Variants in BLNK observed in about 807,000 individuals in gnomAD.
BLNK encodes the protein B-cell linker protein.
Under a neutral mutation model 73.5 loss-of-function variants are expected in BLNK, and 29 were observed. That is an observed-to-expected ratio of 0.39 (90% confidence interval 0.29 to 0.54). The LOEUF (loss-of-function observed/expected upper bound fraction) is 0.54. Among genes scored for constraint, BLNK ranks in the 20% least tolerant of loss-of-function variants. The pLI is 0.61. For missense variants in BLNK, 460 were observed against 562.8 expected, an observed-to-expected ratio of 0.82 and a Z score of 1.85; for synonymous variants, 176 against 200.8, an observed-to-expected ratio of 0.88 and a Z score of 1.04.
At chr10:96,271,232 A>G in intron 1 of BLNK, 120 bp downstream of exon 1, 2 of 1,155,340 alleles carry the variant, frequency 1.7e-6, no homozygotes, top group Non-Finnish European at 2.6e-6. Flanking sequence ...TCCCTATAGT[A>G]AGTGCCACCC....
At chr10:96,205,888 G>T (rs1203885420) in intron 11 of BLNK, among the ~76,000 whole-genome samples, 4 of 152,138 alleles carry the variant, frequency 2.6e-5, no homozygotes, top group African/African-American at 9.7e-5. Flanking sequence ...GTCTGCACAG[G>T]TTGTACTTAC....
chr10:96,227,609 G>A, intron 4 of BLNK, 43 bp from the exon 5 acceptor site: 1 of 1,612,512 alleles, frequency 6.2e-7, no homozygotes, highest in South Asian at 1.1e-5. Context: ...ATCCCCGTCT[G>A]TGCTGCCTGG....
At chr10:96,241,568 A>G (rs149342188) in intron 3 of BLNK, among the ~76,000 whole-genome samples, 1 of 152,126 alleles carries the variant, frequency 6.6e-6, no homozygotes, top group East Asian at 1.9e-4. Flanking sequence ...CCACCCCTTC[A>G]ACAATCCTCA....
rs149590334 is a variant in BLNK at position 96,201,036 on chromosome 10, T to G, written c.957A>C (p.Pro319=). The G allele has an allele frequency of 6.8e-5, 109 of 1,614,140 alleles. No homozygotes were observed. The African/African-American group carries it at 1.2e-3, about 18-fold the overall frequency. The change falls in exon 14 of 17, where the codon CCA becomes CCC. Residue 319 remains proline (P), a synonymous_variant. Coordinates refer to ENST00000224337, the MANE Select transcript of BLNK (RefSeq NM_013314.4). ...PLPRFTEGGN[P]TVDGPLPSFS... ...AGCTGGGTAGGGGCCCATCCACAGT[T>G]GGGTTTCCCCCTTCTGTAAATCCTG...
intron 1 of BLNK, among the ~76,000 whole-genome samples, chr10:96,265,716 T>C (rs782020990): frequency 6.6e-6 from 1 of 152,220 alleles, no homozygotes; most frequent in African/African-American, 2.4e-5. Flanking sequence ...ATACACGTTG[T>C]CACTATAAGC....
intron 15 of BLNK, chr10:96,199,427 T>C: frequency 2.4e-6 from 1 of 422,280 alleles, no homozygotes; most frequent in Non-Finnish European, 4.8e-6. Context: ...AAATAGCCTG[T>C]CACTGTTCAC....
chr10:96,247,752 C>T (rs1554908009), intron 1 of BLNK, among the ~76,000 whole-genome samples: 2 of 152,182 alleles, frequency 1.3e-5, no homozygotes, highest in Non-Finnish European at 2.9e-5. Flanking sequence ...GGTCCCAGGC[C>T]AAGTCTTCCT....
At chr10:96,195,194 C>T (rs2083435097) in intron 16 of BLNK, among the ~76,000 whole-genome samples, 1 of 152,102 alleles carries the variant, frequency 6.6e-6, no homozygotes, top group African/African-American at 2.4e-5. Context: ...GAAGTTAAAC[C>T]CTCGTGTGCT....
chr10:96,259,099 A>T (rs563529795), intron 1 of BLNK, among the ~76,000 whole-genome samples: 1 of 152,330 alleles, frequency 6.6e-6, no homozygotes, highest in East Asian at 1.9e-4. Flanking sequence ...ATACAGGCTA[A>T]CTTGTTTCAA....
chr10:96,229,459 A>G (rs782690819), intron 4 of BLNK, among the ~76,000 whole-genome samples: 4 of 152,114 alleles, frequency 2.6e-5, no homozygotes, highest in Non-Finnish European at 5.9e-5. Flanking sequence ...GTGAATGCTT[A>G]CTCAGTCTTT....
intron 1 of BLNK, among the ~76,000 whole-genome samples, chr10:96,252,706 T>C (rs1230766414): frequency 6.6e-6 from 1 of 152,196 alleles, no homozygotes; most frequent in African/African-American, 2.4e-5. Flanking sequence ...TTTGCAAAAC[T>C]GTAGAATGGA....
chr10:96,204,562 A>C lies in BLNK; in HGVS notation c.872T>G (p.Val291Gly). 1 of 1,614,124 alleles carries C rather than the reference A, an allele frequency of 6.2e-7. No homozygotes were observed. Among genetic ancestry groups the C allele is most frequent in the South Asian group, 1.1e-5 (1 of 91,086 alleles). Residue 291 changes from valine to glycine, a missense_variant, in exon 12 of 17, where the codon GTG becomes GGG. Val to Gly is a moderately radical substitution (Grantham distance 109). Coordinates refer to ENST00000224337, the MANE Select transcript of BLNK (RefSeq NM_013314.4). ...GGCAGGAGGAAACACTGGTGACTGCACAGCTTCTTGTCTGTGACTTGACCC... is the reference window on the plus strand; with the variant it reads ...GGCAGGAGGAAACACTGGTGACTGCCCAGCTTCTTGTCTGTGACTTGACCC... ...HRGSSHRQEA[V>G]QSPVFPPAQK... is the part of the protein sequence containing the mutation.
In BLNK at chr10:96,227,482, C is replaced by T. The variant is rs1554902801; in HGVS notation, c.289G>A (p.Glu97Lys). The T allele has an allele frequency of 1.2e-6, 2 of 1,614,240 alleles. No individual in the cohort carries two copies. Among genetic ancestry groups the T allele is most frequent in the South Asian group, 1.1e-5 (1 of 91,090 alleles). ...GTTTCCTGCTCTACTGGAGGCGGCTCGTAGCTGTCATCAGCGTTCTCCTCG... is the reference window on the plus strand; with the variant it reads ...GTTTCCTGCTCTACTGGAGGCGGCTTGTAGCTGTCATCAGCGTTCTCCTCG... The part of the protein sequence containing the change: ...PAEENADDSY[E>K]PPPVEQETRP... Residue 97 changes from glutamate (E) to lysine (K), a missense_variant, in exon 5 of 17, where the codon GAG becomes AAG. Coordinates refer to ENST00000224337, the MANE Select transcript of BLNK (RefSeq NM_013314.4).
At chr10:96,234,196 C>T (rs868930875) in intron 3 of BLNK, among the ~76,000 whole-genome samples, 3 of 152,114 alleles carry the variant, frequency 2.0e-5, no homozygotes, top group Admixed American at 6.5e-5. Flanking sequence ...CTTGGTGAAA[C>T]GAGAATGACC....
intron 2 of BLNK, among the ~76,000 whole-genome samples, chr10:96,246,614 C>G (rs1843055567): frequency 6.6e-6 from 1 of 152,214 alleles, no homozygotes; most frequent in African/African-American, 2.4e-5. Flanking sequence ...CACATGGCAT[C>G]TTGAAGAAGC....
At chr10:96,269,887 C>T (rs1328558116) in intron 1 of BLNK, among the ~76,000 whole-genome samples, 1 of 152,128 alleles carries the variant, frequency 6.6e-6, no homozygotes, top group Non-Finnish European at 1.5e-5. Context: ...GTATTTCCTC[C>T]CTCCCAGCAC....
intron 1 of BLNK, among the ~76,000 whole-genome samples, chr10:96,253,174 C>A (rs1289916647): frequency 1.3e-5 from 2 of 152,216 alleles, no homozygotes; most frequent in Non-Finnish European, 2.9e-5. Flanking sequence ...ATTTTGAAAT[C>A]TGTGTGTTCC....
intron 1 of BLNK, among the ~76,000 whole-genome samples, chr10:96,252,730 C>T (rs1554909548): frequency 6.6e-6 from 1 of 152,144 alleles, no homozygotes. Context: ...GAAGTGACTG[C>T]AGGCAGAACA....
intron 1 of BLNK, among the ~76,000 whole-genome samples, chr10:96,268,592 G>A (rs1844119926): frequency 6.6e-6 from 1 of 152,058 alleles, no homozygotes; most frequent in South Asian, 2.1e-4. Context: ...TTCTTATACA[G>A]CAGAAACTCT....
Sources: allele counts gnomAD v4.1 joint callset (sites outside exome capture counted in the v4.1 genomes callset), GRCh38; gene constraint gnomAD v4.1.1; transcripts MANE v1.5; gene names NCBI Gene and HGNC (gene_info 2026-07-23, HGNC 2026-07-21).